The following ADAMTS17 variants were observed in gnomAD, a reference collection of about 807,000 sequenced individuals.
ADAMTS17 encodes the protein A disintegrin and metalloproteinase with thrombospondin motifs 17.
A neutral mutation model predicts 141.5 loss-of-function variants in ADAMTS17; 113 were observed. That is an observed-to-expected ratio of 0.80 (90% CI 0.69 to 0.93). ADAMTS17 has a LOEUF of 0.93. ADAMTS17 is among the 40% of genes least tolerant of loss of function. The pLI is 0.00. For missense variants in ADAMTS17, 1,659 were observed against 1,517.9 expected (o/e 1.09, Z -1.54); for synonymous variants, 768 against 630.6 (o/e 1.22, Z -3.27).
chr15:99,974,229 A>C lies in ADAMTS17; in HGVS notation c.*173T>G. On this transcript the variant is annotated 3_prime_UTR_variant, in exon 22 of 22. Coordinates refer to ENST00000268070, the MANE Select transcript of ADAMTS17 (RefSeq NM_139057.4). ...GTAGAAAGCCAGCCAGTGGCTGTTA[A>C]CAATATATTAAGTACGGAAGCACTA... is the stretch of plus-strand genomic sequence containing the variant. 3 of 752,708 alleles carry C rather than the reference A, an allele frequency of 4.0e-6. No individual in the cohort carries two copies. The highest frequency in any genetic ancestry group is 1.7e-5 in the South Asian group (1 of 58,908). 46.6% of individuals were successfully genotyped at this position (752,708 alleles called of 1,614,324 possible). A position where few individuals can be genotyped will look rare whatever the true frequency, so the allele number is the denominator to read the frequency against.
chr15:100,176,120 C>T lies in ADAMTS17; in HGVS notation c.1182-20800G>A, dbSNP rs529661801. Among the ~76,000 whole-genome samples the T allele has an allele frequency of 3.3e-5, 5 of 152,274 alleles. No individual in the cohort carries two copies. The East Asian group carries it at 9.7e-4, about 29-fold the overall frequency. Reference sequence around the variant, plus strand: ...GTCTGCATTTCTATGCTTTCAGAACCACCGGTCAGTGGCCAACCACTCTCC... The same window carrying T: ...GTCTGCATTTCTATGCTTTCAGAACTACCGGTCAGTGGCCAACCACTCTCC... On this transcript the variant is annotated intron_variant, in intron 8 of 21. Coordinates refer to ENST00000268070, the MANE Select transcript of ADAMTS17 (RefSeq NM_139057.4).
chr15:100,148,461 G>T (rs2039011177), intron 10 of ADAMTS17, among the ~76,000 whole-genome samples: 1 of 151,588 alleles, frequency 6.6e-6, no homozygotes, highest in South Asian at 2.1e-4. Flanking sequence ...CAGAAAAACT[G>T]CATTTCACAT....
At chr15:100,162,834 A>G (rs1304249330) in intron 8 of ADAMTS17, among the ~76,000 whole-genome samples, 1 of 145,538 alleles carries the variant, frequency 6.9e-6, no homozygotes, top group Non-Finnish European at 1.5e-5. Context: ...ATATATGTGT[A>G]TAACTATATA....
Position 100,341,247 on chromosome 15 carries a change from AGGGCGCGCTCTCCGGGCC to A in ADAMTS17, c.224_241del (p.Arg75_Ala80del). ...CCCGAAGGCCGGCAGGTGCAGCAGC[AGGGCGCGCTCTCCGGGCC>A]GGGCGCGCGGGGCGGCTGGGGGCGT... On this transcript the variant is annotated inframe_deletion, in exon 2 of 22. Coordinates refer to ENST00000268070, the MANE Select transcript of ADAMTS17 (RefSeq NM_139057.4). 7.3e-7 allele frequency: 1 copy of A among 1,374,468 alleles called. No homozygotes were observed. Among genetic ancestry groups the A allele is most frequent in the Non-Finnish European group, 9.4e-7 (1 of 1,061,282 alleles). The allele number at this position is 1,374,468 out of a possible 1,614,324, so 85.1% of individuals were successfully genotyped here.
rs1596238074 is a variant in ADAMTS17, at chr15:100,017,584, A to T, written c.2592-19995T>A. 2.0e-5 allele frequency among the ~76,000 whole-genome samples: 3 copies of T among 152,180 alleles called. No homozygotes were observed. The East Asian group carries it at 5.8e-4, about 29-fold the overall frequency. On this transcript the variant is annotated intron_variant, in intron 18 of 21. Transcript: ENST00000268070. ...GTATTTCACTCGACTCTGTAAACTAACTCAGCTCCAGGTAAGGATGGAAAC... is the reference window on the plus strand; with the variant it reads ...GTATTTCACTCGACTCTGTAAACTATCTCAGCTCCAGGTAAGGATGGAAAC...
chr15:100,095,054 A>G (rs1214803798), intron 15 of ADAMTS17, among the ~76,000 whole-genome samples: 1 of 152,178 alleles, frequency 6.6e-6, no homozygotes, highest in African/African-American at 2.4e-5. Context: ...AGTTGGTTTC[A>G]TTTTAATGAA....
intron 18 of ADAMTS17, among the ~76,000 whole-genome samples, chr15:100,036,405 T>G (rs1304485330): frequency 6.6e-6 from 1 of 152,172 alleles, no homozygotes; most frequent in African/African-American, 2.4e-5. Context: ...GTCCACTGAT[T>G]CCTGCTTGAG....
chr15:100,252,127 A>G (rs905887090), intron 7 of ADAMTS17, among the ~76,000 whole-genome samples: 3 of 152,228 alleles, frequency 2.0e-5, no homozygotes, highest in Non-Finnish European at 4.4e-5. Flanking sequence ...GCCTGAACAC[A>G]GGATATAATC....
intron 14 of ADAMTS17, among the ~76,000 whole-genome samples, chr15:100,103,082 G>C (rs2036215362): frequency 6.6e-6 from 1 of 152,172 alleles, no homozygotes; most frequent in Non-Finnish European, 1.5e-5. Flanking sequence ...TTCACTGTTT[G>C]TGCTGGTTTA....
intron 7 of ADAMTS17, among the ~76,000 whole-genome samples, chr15:100,223,533 A>G (rs2042199923): frequency 6.6e-6 from 1 of 152,076 alleles, no homozygotes; most frequent in African/African-American, 2.4e-5. Flanking sequence ...AGCCAGGAGC[A>G]GGGCAAAGAA....
rs1555458596 is a variant in ADAMTS17, at chr15:100,132,172, G to T, written c.1576-20C>A. 1.2e-6 allele frequency: 2 copies of T among 1,611,236 alleles called. No individual in the cohort carries two copies. Among genetic ancestry groups the T allele is most frequent in the Non-Finnish European group, 1.7e-6 (2 of 1,179,322 alleles). ...GCACCACTGAAACACAGCGGGGAGG[G>T]TCGGGGCCCAGGCACTCAGCAGAGC... On this transcript the variant is annotated intron_variant, in intron 11 of 21. Transcript: ENST00000268070.
intron 3 of ADAMTS17, among the ~76,000 whole-genome samples, chr15:100,322,608 C>T (rs2045764163): frequency 6.6e-6 from 1 of 152,118 alleles, no homozygotes; most frequent in African/African-American, 2.4e-5. Flanking sequence ...GTAGACCAAA[C>T]CCGAAGATGA....
At position 100,212,299 on chromosome 15, in the gene ADAMTS17, T is replaced by C. The variant is rs115766887; in HGVS notation, c.1076-12876A>G. 4.4e-3 allele frequency among the ~76,000 whole-genome samples: 677 copies of C among 152,238 alleles called. 6 individuals carry two copies. The highest frequency in any genetic ancestry group is 0.011 in the African/African-American group (466 of 41,528). On this transcript the variant is annotated intron_variant, in intron 7 of 21. Coordinates refer to ENST00000268070, the MANE Select transcript of ADAMTS17 (RefSeq NM_139057.4). ...GAGAGGACTCTGCCCCCAGGGAATG[T>C]ACAGCAAGCCTGGGAGACAGACTCA... is the stretch of plus-strand genomic sequence containing the variant.
At position 100,077,283 on chromosome 15, in the gene ADAMTS17, C is replaced by CCA. The variant is rs768545447; in HGVS notation, c.2137+19072_2137+19073insTG. Among the ~76,000 whole-genome samples the CCA allele has an allele frequency of 2.6e-4, 14 of 54,608 alleles. 2 individuals carry two copies. In the East Asian group the frequency reaches 4.4e-3, roughly 17 times the overall value. 35.8% of individuals were successfully genotyped at this position (54,608 alleles called of 152,430 possible). On this transcript the variant is annotated intron_variant, in intron 15 of 21. Coordinates refer to ENST00000268070, the MANE Select transcript of ADAMTS17 (RefSeq NM_139057.4). ...ACATGGTGAAACCCTATCTCTACCA[C>CCA]AAAAAAAAAAAAAAAAAAAAAAAAA...
chr15:100,117,870 A>C (rs545595698), intron 12 of ADAMTS17, among the ~76,000 whole-genome samples: 9 of 152,354 alleles, frequency 5.9e-5, no homozygotes, highest in African/African-American at 1.9e-4. Context: ...CTATGAAAGA[A>C]AGAAAAGGGC....
chr15:100,284,826 C>T (rs927768073), intron 3 of ADAMTS17, among the ~76,000 whole-genome samples: 2 of 152,192 alleles, frequency 1.3e-5, no homozygotes, highest in African/African-American at 4.8e-5. Flanking sequence ...AAGAAAAACA[C>T]TAATTTCAGA....
chr15:100,102,862 C>T (rs1022793231), intron 14 of ADAMTS17, among the ~76,000 whole-genome samples: 3 of 152,110 alleles, frequency 2.0e-5, no homozygotes, highest in Non-Finnish European at 4.4e-5. Flanking sequence ...ATGAGCATGC[C>T]GATGCACCCT....
At chr15:99,976,273 G>C in intron 20 of ADAMTS17, 51 bp from the exon 21 acceptor site, 1 of 1,530,928 alleles carries the variant, frequency 6.5e-7, no homozygotes, top group Non-Finnish European at 8.7e-7. Context: ...CAAGGGACTG[G>C]GATGATGGCC....
intron 3 of ADAMTS17, among the ~76,000 whole-genome samples, chr15:100,296,064 C>T (rs960080869): frequency 4.6e-5 from 7 of 152,058 alleles, no homozygotes; most frequent in African/African-American, 1.4e-4. Flanking sequence ...AACAACCTAC[C>T]ACCCACATCT....
Sources: gnomAD v4.1 joint callset for allele counts (sites outside exome capture counted in the v4.1 genomes callset) on GRCh38, gnomAD v4.1.1 for gene constraint, MANE v1.5 for transcripts, NCBI Gene and HGNC (gene_info 2026-07-23, HGNC 2026-07-21) for gene names.